The following RNF144A variants were observed in gnomAD, a reference collection of about 807,000 sequenced individuals.
RNF144A encodes E3 ubiquitin-protein ligase RNF144A.
A neutral mutation model predicts 38.7 loss-of-function variants in RNF144A; 11 were observed. That is an observed-to-expected ratio of 0.28 (90% confidence interval 0.18 to 0.47). The LOEUF (loss-of-function observed/expected upper bound fraction) is 0.47. Among genes scored for constraint, RNF144A ranks in the 20% least tolerant of loss-of-function variants. The pLI is 0.99. For missense variants in RNF144A, 316 were observed against 377.2 expected (o/e 0.84, Z 1.34); for synonymous variants, 149 against 143.9 (o/e 1.04, Z -0.25).
chr2:7,018,101 A>T (rs309310), intron 5 of RNF144A, among the ~76,000 whole-genome samples: 79,265 of 151,878 alleles, frequency 0.52, 21,184 homozygotes, highest in East Asian at 0.78. Flanking sequence ...AATCACGTGC[A>T]TGAAGAGACC....
At position 6,927,002 on chromosome 2, in the gene RNF144A, T is replaced by C. The variant is rs146435652; in HGVS notation, c.-212+9380T>C. Among the ~76,000 whole-genome samples, 6 of 152,290 alleles carry C rather than the reference T, an allele frequency of 3.9e-5. No individual in the cohort carries two copies. The East Asian group carries it at 1.2e-3, about 29-fold the overall frequency. On this transcript the variant is annotated intron_variant, in intron 1 of 8. Transcript: ENST00000320892. ...CTGGAGTCCACATGGCAGGGATTCA[T>C]CTCTTAAACTTGCGGTACTTTGTTG...
intron 2 of RNF144A, among the ~76,000 whole-genome samples, chr2:6,994,074 CA>C (rs957807368): frequency 2.0e-5 from 3 of 151,604 alleles, no homozygotes; most frequent in African/African-American, 7.3e-5. Flanking sequence ...ACCAAGTGGC[CA>C]AAAAAAAGGA....
At chr2:7,008,161 C>G (rs749159029) in intron 3 of RNF144A, among the ~76,000 whole-genome samples, 2 of 152,248 alleles carry the variant, frequency 1.3e-5, no homozygotes, top group Non-Finnish European at 2.9e-5. Context: ...CGGGCTCAGT[C>G]TTCAGAGCCT....
downstream of RNF144A, among the ~76,000 whole-genome samples, chr2:7,069,591 C>A (rs1051996983): frequency 6.6e-6 from 1 of 152,204 alleles, no homozygotes; most frequent in African/African-American, 2.4e-5. Flanking sequence ...CTCTCTGCCT[C>A]TTTTGTTCTT....
At chr2:6,984,833 C>G (rs957763705) in intron 2 of RNF144A, among the ~76,000 whole-genome samples, 3 of 152,202 alleles carry the variant, frequency 2.0e-5, no homozygotes, top group African/African-American at 7.2e-5. Flanking sequence ...CACCCAAGGC[C>G]AGGATCATTT....
intron 2 of RNF144A, among the ~76,000 whole-genome samples, chr2:6,994,700 G>A (rs1295707256): frequency 6.6e-6 from 1 of 152,184 alleles, no homozygotes; most frequent in African/African-American, 2.4e-5. Context: ...TCTTGAAAGT[G>A]CTAGCCAGTC....
chr2:7,056,426 T>C (rs993874936), intron 6 of RNF144A, among the ~76,000 whole-genome samples: 20 of 152,310 alleles, frequency 1.3e-4, no homozygotes, highest in African/African-American at 4.8e-4. Context: ...ATGACTGTTA[T>C]AGACTGAATT....
rs376684925 is a variant in RNF144A at position 7,058,338 on chromosome 2, G to GA, written c.735-9860dup. Among the ~76,000 whole-genome samples, 847 of 105,956 alleles carry GA rather than the reference G, an allele frequency of 8.0e-3. 7 individuals are homozygous for GA. The highest frequency in any genetic ancestry group is 0.012 in the African/African-American group (432 of 34,948). The allele number at this position is 105,956 out of a possible 152,430, so 69.5% of individuals were successfully genotyped here. A position where few individuals can be genotyped will look rare whatever the true frequency, so the allele number is the denominator to read the frequency against. On this transcript the variant is annotated intron_variant, in intron 6 of 6. Transcript: ENST00000432850. ...ACCACAGGAAGTGTATGGGGGAACTGAAAAAAAAAAAAAAAAAAGTAATTA... is the reference window on the plus strand; with the variant it reads ...ACCACAGGAAGTGTATGGGGGAACTGAAAAAAAAAAAAAAAAAAAGTAATTA...
Position 6,982,684 on chromosome 2 carries a change from A to G in RNF144A, c.-11-14232A>G, listed in dbSNP as rs929366883. 2.0e-5 allele frequency among the ~76,000 whole-genome samples: 3 copies of G among 152,186 alleles called. No individual in the cohort carries two copies. In the East Asian group the frequency reaches 5.8e-4, roughly 29 times the overall value. On this transcript the variant is annotated intron_variant, in intron 2 of 8. Coordinates refer to ENST00000320892, the MANE Select transcript of RNF144A (RefSeq NM_014746.6). ...GGAGAGAGTGGTGAGAGCCCTGGCCATGTCTGTAGCAATCAGACGATTGAG... is the reference window on the plus strand; with the variant it reads ...GGAGAGAGTGGTGAGAGCCCTGGCCGTGTCTGTAGCAATCAGACGATTGAG...
intron 2 of RNF144A, among the ~76,000 whole-genome samples, chr2:6,952,033 TA>T (rs1209641982): frequency 6.6e-6 from 1 of 152,194 alleles, no homozygotes; most frequent in East Asian, 1.9e-4. Context: ...TTTGCCGCCA[TA>T]TTTTTCTAAA....
At chr2:6,925,314 GA>G (rs1664787773) in intron 1 of RNF144A, among the ~76,000 whole-genome samples, 1 of 152,186 alleles carries the variant, frequency 6.6e-6, no homozygotes, top group South Asian at 2.1e-4. Context: ...CCAAGGCCCT[GA>G]AAACTGAGCC....
intron 2 of RNF144A, among the ~76,000 whole-genome samples, chr2:6,990,385 T>TAC (rs60196595): frequency 0.02 from 2,514 of 123,746 alleles, 39 homozygotes; most frequent in Middle Eastern, 0.031. Context: ...TATATATATT[T>TAC]ACACACACAC....
chr2:7,047,016 T>TA (rs1332497242), downstream of RNF144A, among the ~76,000 whole-genome samples: 1 of 152,218 alleles, frequency 6.6e-6, no homozygotes, highest in Non-Finnish European at 1.5e-5. Context: ...TATCACAACT[T>TA]TTATGAAAAG....
intron 6 of RNF144A, 70 bp from the exon 7 acceptor site, chr2:7,024,299 G>A: frequency 1.4e-6 from 2 of 1,401,112 alleles, no homozygotes; most frequent in African/African-American, 1.4e-5. Context: ...GATGCTTCCA[G>A]CATAGCCAGT....
downstream of RNF144A, among the ~76,000 whole-genome samples, chr2:7,069,088 T>G (rs1276631320): frequency 6.6e-6 from 1 of 152,226 alleles, no homozygotes; most frequent in Non-Finnish European, 1.5e-5. Context: ...ATCAGCACAG[T>G]CAGCCTCCAA....
chr2:6,919,876 G>C (rs1187947108), intron 1 of RNF144A, among the ~76,000 whole-genome samples: 1 of 152,204 alleles, frequency 6.6e-6, no homozygotes. Flanking sequence ...GCACCCCCAG[G>C]TCATCTGTGC....
downstream of RNF144A, among the ~76,000 whole-genome samples, chr2:7,048,797 C>T (rs918669050): frequency 6.6e-6 from 1 of 152,230 alleles, no homozygotes; most frequent in Non-Finnish European, 1.5e-5. Flanking sequence ...GAGGTAAGTG[C>T]TGGTGAAGTC....
intron 6 of RNF144A, among the ~76,000 whole-genome samples, chr2:7,060,816 C>A (rs781246482): frequency 3.9e-5 from 6 of 152,198 alleles, no homozygotes; most frequent in Non-Finnish European, 5.9e-5. Context: ...CCCCTGCAAC[C>A]CCTGCAGTCT....
chr2:7,044,313 G>A (rs1488551811), downstream of RNF144A: 3 of 479,560 alleles, frequency 6.3e-6, no homozygotes, highest in African/African-American at 4.2e-5. Flanking sequence ...GGGGTGGAGG[G>A]AGAAAGGGTG....
Sources: gnomAD v4.1 joint callset for allele counts (sites outside exome capture counted in the v4.1 genomes callset) on GRCh38, gnomAD v4.1.1 for gene constraint, MANE v1.5 for transcripts, NCBI Gene and HGNC (gene_info 2026-07-23, HGNC 2026-07-21) for gene names.